The following TMEM164 variants were observed in gnomAD, a reference collection of about 807,000 sequenced individuals.
TMEM164 encodes the protein RP13-360B22.2.
In TMEM164, 4 loss-of-function variants were observed where a neutral mutation model predicts 18.8. The observed-to-expected ratio is 0.21, with a 90% CI of 0.10 to 0.49. The LOEUF (loss-of-function observed/expected upper bound fraction) is 0.49, where lower values mean the gene tolerates loss of function less well. Among genes scored for constraint, TMEM164 ranks in the 20% least tolerant of loss-of-function variants. The pLI is 0.98. For missense variants in TMEM164, 108 were observed against 239.9 expected (o/e 0.45, Z 3.63); for synonymous variants, 86 against 101.7 (o/e 0.85, Z 0.93).
intron 4 of TMEM164, among the ~76,000 whole-genome samples, chrX:110,114,626 C>T (rs975542478): frequency 3.6e-5 from 4 of 111,618 alleles, no homozygotes; most frequent in Non-Finnish European, 7.5e-5. Context: ...GCAACTTCAG[C>T]GCTCTGCTTT....
At chrX:110,156,666 G>A (rs1445666662) in intron 5 of TMEM164, among the ~76,000 whole-genome samples, 5 of 111,642 alleles carry the variant, frequency 4.5e-5, no homozygotes, top group Non-Finnish European at 9.4e-5. Context: ...TCGCAGTTCT[G>A]GAGGCTGGGA....
At chrX:110,150,923 C>G (rs2066930236) in intron 5 of TMEM164, among the ~76,000 whole-genome samples, 1 of 111,764 alleles carries the variant, frequency 8.9e-6, no homozygotes, top group African/African-American at 3.3e-5. Flanking sequence ...TTGTCACACA[C>G]TTTTCCCATG....
downstream of TMEM164, among the ~76,000 whole-genome samples, chrX:110,181,930 G>A (rs1337481515): frequency 8.9e-6 from 1 of 111,899 alleles, no homozygotes; most frequent in African/African-American, 3.3e-5. Flanking sequence ...GCCTTAATGT[G>A]CCCTGTGTGG....
At chrX:110,007,147 T>A (rs193149084) in intron 2 of TMEM164, among the ~76,000 whole-genome samples, 22 of 112,667 alleles carry the variant, frequency 2.0e-4, no homozygotes, top group African/African-American at 7.1e-4. Flanking sequence ...AAGGCCTTGT[T>A]ACACAGGCTC....
rs915141390 is a variant in TMEM164 at position 110,174,854 on chromosome X, G to A, written c.*1403G>A. On this transcript the variant is annotated 3_prime_UTR_variant, in exon 7 of 7. Coordinates refer to ENST00000372068, the MANE Select transcript of TMEM164 (RefSeq NM_032227.4). Reference sequence around the variant, plus strand: ...AGCTCATTTGGTGATTTTGTCTGATGAGCCTCCCTTCCCCTGTCCCACTCT... The same window carrying A: ...AGCTCATTTGGTGATTTTGTCTGATAAGCCTCCCTTCCCCTGTCCCACTCT... The A allele has an allele frequency of 1.8e-5, 2 of 112,077 alleles. No individual in the cohort carries two copies. The highest frequency in any genetic ancestry group is 3.8e-5 in the Non-Finnish European group (2 of 53,146). The allele number at this position is 112,077 out of a possible 1,213,427, so 9.2% of individuals were successfully genotyped here. A position where few individuals can be genotyped will look rare whatever the true frequency, so the allele number is the denominator to read the frequency against.
intron 1 of TMEM164, 77 bp from the exon 2 acceptor site, chrX:110,003,424 C>T (rs1932459362): frequency 5.7e-6 from 1 of 176,889 alleles, no homozygotes; most frequent in Non-Finnish European, 1.1e-5. Context: ...CGCTAGTTAC[C>T]CCTCCCGCTT....
chrX:110,019,603 C>T (rs999703980), intron 2 of TMEM164, among the ~76,000 whole-genome samples: 11 of 111,121 alleles, frequency 9.9e-5, no homozygotes, highest in Non-Finnish European at 1.3e-4. Flanking sequence ...ATGCCTTCAT[C>T]AGGGATGGTA....
chrX:110,035,933 T>A (rs1038748032), intron 2 of TMEM164, among the ~76,000 whole-genome samples: 1 of 111,162 alleles, frequency 9.0e-6, no homozygotes, highest in African/African-American at 3.3e-5. Flanking sequence ...TTTGTTGTTT[T>A]TTTTTAAAAA....
intron 4 of TMEM164, among the ~76,000 whole-genome samples, chrX:110,125,317 T>C (rs2066513452): frequency 8.9e-6 from 1 of 111,823 alleles, no homozygotes; most frequent in African/African-American, 3.3e-5. Context: ...CCCAGCGAAA[T>C]GATTGTTGCG....
At chrX:110,127,886 T>C (rs1354212212) in intron 4 of TMEM164, among the ~76,000 whole-genome samples, 2 of 112,096 alleles carry the variant, frequency 1.8e-5, no homozygotes, top group African/African-American at 6.5e-5. Flanking sequence ...TGATAGAGCA[T>C]GCTAGGTGCA....
intron 4 of TMEM164, among the ~76,000 whole-genome samples, chrX:110,119,508 T>A (rs1393713410): frequency 8.9e-6 from 1 of 111,842 alleles, no homozygotes; most frequent in Admixed American, 9.5e-5. Flanking sequence ...CTATTAACAT[T>A]GTTTGTTACA....
chrX:110,017,464 T>TC (rs1933483379), intron 2 of TMEM164, among the ~76,000 whole-genome samples: 9 of 28,529 alleles, frequency 3.2e-4, no homozygotes, highest in Non-Finnish European at 5.3e-4. Context: ...CTCTCTCTCT[T>TC]TCTTTCCTTC....
At chrX:110,099,955 C>A (rs775972403) in intron 3 of TMEM164, among the ~76,000 whole-genome samples, 1 of 112,107 alleles carries the variant, frequency 8.9e-6, no homozygotes, top group African/African-American at 3.2e-5. Flanking sequence ...TTTTTTGAAA[C>A]ATTTTAAGTG....
intron 2 of TMEM164, among the ~76,000 whole-genome samples, chrX:110,062,874 G>C (rs1015852189): frequency 2.7e-5 from 3 of 111,446 alleles, no homozygotes; most frequent in African/African-American, 9.8e-5. Flanking sequence ...TAAAATGGCA[G>C]ATCAGAGGGG....
chrX:110,036,012 A>G (rs1426500467), intron 2 of TMEM164, among the ~76,000 whole-genome samples: 1 of 111,154 alleles, frequency 9.0e-6, no homozygotes, highest in Non-Finnish European at 1.9e-5. Flanking sequence ...CATCCTCACC[A>G]ACATCAGATA....
intron 5 of TMEM164, among the ~76,000 whole-genome samples, chrX:110,164,230 GT>G (rs892662735): frequency 1.8e-5 from 2 of 111,252 alleles, no homozygotes; most frequent in African/African-American, 6.6e-5. Flanking sequence ...CCAGGGCTGG[GT>G]TTTTTTTCCA....
intron 2 of TMEM164, among the ~76,000 whole-genome samples, chrX:110,051,142 A>AT (rs1935535287): frequency 9.0e-6 from 1 of 111,462 alleles, no homozygotes; most frequent in Non-Finnish European, 1.9e-5. Context: ...TGTAAAGAAG[A>AT]TTTTTTAAAA....
At position 110,176,526 on chromosome X, in the gene TMEM164, C is replaced by T. The variant is rs1266436562; in HGVS notation, c.*3075C>T. ...GGGTCGCCGGGCTAACCAGGGTGAT[C>T]GGCGAACTTTACCGTACAGTACCTC... is the stretch of plus-strand genomic sequence containing the variant. On this transcript the variant is annotated 3_prime_UTR_variant, in exon 7 of 7. Transcript: ENST00000372068. 11 of 522,776 alleles carry T rather than the reference C, an allele frequency of 2.1e-5. No homozygotes were observed. The highest frequency in any genetic ancestry group is 7.8e-5 in the African/African-American group (3 of 38,697). The allele number at this position is 522,776 out of a possible 1,213,427, so 43.1% of individuals were successfully genotyped here. A position where few individuals can be genotyped will look rare whatever the true frequency, so the allele number is the denominator to read the frequency against.
intron 2 of TMEM164, among the ~76,000 whole-genome samples, chrX:110,014,760 T>C (rs1933232700): frequency 9.9e-6 from 1 of 101,363 alleles, no homozygotes; most frequent in South Asian, 4.5e-4. Context: ...TTTTTTTTTT[T>C]TTTTTTTACT....
Sources: allele counts gnomAD v4.1 joint callset (sites outside exome capture counted in the v4.1 genomes callset), GRCh38; gene constraint gnomAD v4.1.1; transcripts MANE v1.5; gene names NCBI Gene and HGNC (gene_info 2026-07-23, HGNC 2026-07-21).